CACNA1H: variants seen among roughly 807,000 people sequenced by gnomAD.
CACNA1H encodes the protein calcium voltage-gated channel subunit alpha1 H.
Under a neutral mutation model 192.5 loss-of-function variants are expected in CACNA1H, and 149 were observed. That is an observed-to-expected ratio of 0.77 (90% CI 0.68 to 0.89). The LOEUF is 0.89. Among genes scored for constraint, CACNA1H ranks in the 40% least tolerant of loss-of-function variants. The pLI is 0.00. For missense variants in CACNA1H, 4,257 were observed against 3,423.5 expected, an observed-to-expected ratio of 1.24 and a Z score of -6.08; for synonymous variants, 2,202 against 1,475.2, an observed-to-expected ratio of 1.49 and a Z score of -11.29.
At position 1,187,082 on chromosome 16, in the gene CACNA1H, C is replaced by T. The variant is rs902471907; in HGVS notation, c.300-7890C>T. On this transcript the variant is annotated intron_variant, in intron 2 of 34. Transcript: ENST00000348261. ...GAGTCCCTCAGAGCCCGCGACCGTC[C>T]CCTCCGCACTGCGGGCTGATAGCGC... Among the ~76,000 whole-genome samples the T allele has an allele frequency of 4.7e-4, 71 of 152,386 alleles. 1 individual carries two copies. The highest frequency in any genetic ancestry group is 1.6e-3 in the African/African-American group (66 of 41,592).
chr16:1,154,162 C>T lies in CACNA1H; in HGVS notation c.299+126C>T, dbSNP rs1005061315. 28 of 651,822 alleles carry T rather than the reference C, an allele frequency of 4.3e-5. No homozygotes were observed. In the Admixed American group the frequency reaches 7.3e-4, roughly 17 times the overall value. The allele number at this position is 651,822 out of a possible 1,614,324, so 40.4% of individuals were successfully genotyped here. The stretch of plus-strand genomic sequence containing the variant: ...TTGGTGGGACCTGGCGTGGGCCGGG[C>T]GCGCGGGGGTGCAGGGCAGGGGCTG... On this transcript the variant is annotated intron_variant, in intron 2 of 34. Transcript: ENST00000348261.
At chr16:1,155,063 C>A (rs1962133694) in intron 2 of CACNA1H, among the ~76,000 whole-genome samples, 1 of 152,218 alleles carries the variant, frequency 6.6e-6, no homozygotes, top group Non-Finnish European at 1.5e-5. Context: ...CAGGAGCGGC[C>A]TGTGTACACT....
intron 2 of CACNA1H, among the ~76,000 whole-genome samples, chr16:1,162,645 G>GT (rs928916238): frequency 1.3e-5 from 2 of 151,766 alleles, no homozygotes; most frequent in African/African-American, 4.8e-5. Flanking sequence ...GGAGTGGGGG[G>GT]GGGGGGTCCA....
chr16:1,169,613 C>CGGCTCCCG (rs974623618), intron 2 of CACNA1H, among the ~76,000 whole-genome samples: 2 of 152,246 alleles, frequency 1.3e-5, no homozygotes, highest in African/African-American at 4.8e-5. Flanking sequence ...GCCCATCAGC[C>CGGCTCCCG]GGCTCCCGGG....
chr16:1,192,172 C>T lies in CACNA1H; in HGVS notation c.300-2800C>T, dbSNP rs926429227. 2.6e-5 allele frequency among the ~76,000 whole-genome samples: 4 copies of T among 152,330 alleles called. No homozygotes were observed. In the South Asian group the frequency reaches 6.2e-4, roughly 24 times the overall value. On this transcript the variant is annotated intron_variant, in intron 2 of 34. Coordinates refer to ENST00000348261, the MANE Select transcript of CACNA1H (RefSeq NM_021098.3). ...CACTAAACCAGACGGTCCGAGAGGT[C>T]GGGGAGGGGCACCCAGGCCCCCTCC...
At chr16:1,188,939 A>G (rs12444811) in intron 2 of CACNA1H, among the ~76,000 whole-genome samples, 9,251 of 152,252 alleles carry the variant, frequency 0.061, 867 homozygotes, top group African/African-American at 0.2. Context: ...CTGGCCCGCC[A>G]GGGGCTGGCA....
chr16:1,211,868 C>T (rs941978032), intron 24 of CACNA1H, 63 bp downstream of exon 24: 3 of 1,610,182 alleles, frequency 1.9e-6, no homozygotes, highest in East Asian at 2.2e-5. Context: ...GCCTTGGCCT[C>T]TGGGGACTCG....
In CACNA1H at chr16:1,184,921, C is replaced by T. The variant is rs576619995; in HGVS notation, c.300-10051C>T. 4.2e-4 allele frequency among the ~76,000 whole-genome samples: 64 copies of T among 152,240 alleles called. 1 individual carries two copies. The highest frequency in any genetic ancestry group is 1.7e-3 in the South Asian group (8 of 4,824). On this transcript the variant is annotated intron_variant, in intron 2 of 34. Transcript: ENST00000348261. ...ATTTTTTTTTTACTTGTTTATGTGACGACCAGCGGATTTTAAAGCGCACGG... is the reference window on the plus strand; with the variant it reads ...ATTTTTTTTTTACTTGTTTATGTGATGACCAGCGGATTTTAAAGCGCACGG...
intron 2 of CACNA1H, among the ~76,000 whole-genome samples, chr16:1,189,754 G>C (rs71380241): frequency 6.6e-6 from 1 of 152,082 alleles, no homozygotes; most frequent in Non-Finnish European, 1.5e-5. Flanking sequence ...GTGGGGCTGA[G>C]GGACAGGATG....
Position 1,202,302 on chromosome 16 carries a change from C to T in CACNA1H, c.1852C>T (p.Pro618Ser), listed in dbSNP as rs759294358. 1.3e-5 allele frequency: 20 copies of T among 1,584,822 alleles called. No individual in the cohort carries two copies. The African/African-American group carries it at 1.5e-4, about 12-fold the overall frequency. The change falls in exon 9 of 35, where the codon CCC becomes TCC. Residue 618 changes from proline to serine, a missense_variant. By Grantham distance (74) the Pro-to-Ser change is moderately conservative (BLOSUM62 -1). Coordinates refer to ENST00000348261, the MANE Select transcript of CACNA1H (RefSeq NM_021098.3). ...CACCATGAACTACCCCACGATCCTG[C>T]CCTCAGGGGTGGGCAGCGGCAAAGG... is the stretch of plus-strand genomic sequence containing the variant. ...LGTMNYPTIL[P>S]SGVGSGKGST...
chr16:1,195,041 TGAG>T lies in CACNA1H; in HGVS notation c.372_374del (p.Glu124del). ...TGACCCTGGGCATGTTCCGGCCCTG[TGAG>T]GACGTTGAGTGCGGCTCCGAGCGCT... On this transcript the variant is annotated inframe_deletion, in exon 3 of 35. Coordinates refer to ENST00000348261, the MANE Select transcript of CACNA1H (RefSeq NM_021098.3). The T allele has an allele frequency of 6.2e-7, 1 of 1,610,074 alleles. No homozygotes were observed. The highest frequency in any genetic ancestry group is 8.5e-7 in the Non-Finnish European group (1 of 1,178,504).
intron 12 of CACNA1H, 62 bp from the exon 13 acceptor site, chr16:1,206,939 A>ACCCCC: frequency 1.6e-5 from 1 of 63,134 alleles, no homozygotes; most frequent in Non-Finnish European, 3.0e-5. Flanking sequence ...CCGCTCCCCC[A>ACCCCC]CCTTCTTCCG....
rs761169638 is a variant in CACNA1H at position 1,211,796 on chromosome 16, C to T, written c.4557C>T (p.Val1519=). 25 of 1,612,466 alleles carry T rather than the reference C, an allele frequency of 1.6e-5. No homozygotes were observed. The highest frequency in any genetic ancestry group is 3.3e-5 in the South Asian group (3 of 91,090). The change falls in exon 24 of 35, where the codon GTC becomes GTT. Residue 1519 remains valine, a synonymous_variant. Transcript: ENST00000348261. ...IMYDGLDAVG[V]DQQPVQNHNP... is the part of the protein sequence containing the mutation. ...ACGACGGGCTGGATGCCGTGGGTGT[C>T]GACCAGCAGGTGCGCACAGGCGGGT...
At chr16:1,211,883 G>A (rs1030933523) in intron 24 of CACNA1H, 63 bp from the exon 25 acceptor site, 31 of 1,610,074 alleles carry the variant, frequency 1.9e-5, no homozygotes, top group Non-Finnish European at 2.3e-5. Flanking sequence ...GACTCGGGGG[G>A]CCATCCTGGG....
At chr16:1,200,133 C>A in intron 6 of CACNA1H, 123 bp from the exon 7 acceptor site, 1 of 771,766 alleles carries the variant, frequency 1.3e-6, no homozygotes, top group South Asian at 1.9e-5. Flanking sequence ...ATGATTAGTC[C>A]ACTGGCCCTG....
chr16:1,156,279 C>T (rs934368741), intron 2 of CACNA1H, among the ~76,000 whole-genome samples: 1 of 152,220 alleles, frequency 6.6e-6, no homozygotes, highest in African/African-American at 2.4e-5. Context: ...CATTCTTGGC[C>T]CCGTGGAAAC....
At chr16:1,155,289 C>T (rs528692964) in intron 2 of CACNA1H, among the ~76,000 whole-genome samples, 4 of 152,202 alleles carry the variant, frequency 2.6e-5, no homozygotes, top group South Asian at 2.1e-4. Context: ...GCTGCCCGGG[C>T]GGCCTAGGCC....
At chr16:1,172,004 A>C (rs1416976763) in intron 2 of CACNA1H, among the ~76,000 whole-genome samples, 3 of 152,176 alleles carry the variant, frequency 2.0e-5, no homozygotes, top group African/African-American at 7.2e-5. Context: ...GCCCCCCGCC[A>C]GGTGCTGTGG....
chr16:1,184,139 A>G (rs113356312), intron 2 of CACNA1H, among the ~76,000 whole-genome samples: 13,637 of 152,246 alleles, frequency 0.09, 1,636 homozygotes, highest in African/African-American at 0.27. Context: ...ACCCCAGGGC[A>G]TCACTCCTGC....
Sources: allele counts gnomAD v4.1 joint callset (sites outside exome capture counted in the v4.1 genomes callset), GRCh38; gene constraint gnomAD v4.1.1; transcripts MANE v1.5; gene names NCBI Gene and HGNC (gene_info 2026-07-23, HGNC 2026-07-21).